Variants in RPL24 observed in about 807,000 individuals in gnomAD.
RPL24 encodes the protein ribosomal protein L24, also known as large ribosomal subunit protein eL24.
A neutral mutation model predicts 26.4 loss-of-function variants in RPL24; 7 were observed. The observed-to-expected ratio is 0.27, with a 90% confidence interval of 0.15 to 0.50. The LOEUF (loss-of-function observed/expected upper bound fraction) is 0.50, where lower values mean the gene tolerates loss of function less well. Ranked by LOEUF, RPL24 falls within the 20% of genes least tolerant of loss-of-function variation. RPL24 has a pLI of 0.98. For missense variants in RPL24, 109 were observed against 194.9 expected (o/e 0.56, Z 2.62); for synonymous variants, 67 against 65.2 (o/e 1.03, Z -0.13).
rs767763371 is a variant in RPL24, at chr3:101,685,800, A to G, written c.192+18T>C. ...AACTTAAGAGATAGCCCCCAACATC[A>G]AGGCGTATTCCACTTACCGACTGTC... On this transcript the variant is annotated intron_variant, in intron 3 of 5. Coordinates refer to ENST00000394077, the MANE Select transcript of RPL24 (RefSeq NM_000986.4). 5.7e-6 allele frequency: 8 copies of G among 1,406,840 alleles called. No homozygotes were observed. The highest frequency in any genetic ancestry group is 8.0e-6 in the Non-Finnish European group (8 of 998,462). 87.1% of individuals were successfully genotyped at this position (1,406,840 alleles called of 1,614,324 possible).
chr3:101,685,705 T>G, intron 3 of RPL24, 113 bp downstream of exon 3: 1 of 582,220 alleles, frequency 1.7e-6, no homozygotes, highest in Non-Finnish European at 3.1e-6. Flanking sequence ...CTTTACAGTT[T>G]AAGAGCTCTT....
At chr3:101,685,981 G>A (rs749763635) in intron 2 of RPL24, 53 bp from the exon 3 acceptor site, 7 of 1,161,684 alleles carry the variant, frequency 6.0e-6, no homozygotes, top group Non-Finnish European at 9.1e-6. Context: ...AGTACAAGAG[G>A]CTGAGTAAGC....
intron 5 of RPL24, 27 bp downstream of exon 5, chr3:101,682,402 A>C (rs745518518): frequency 2.5e-6 from 4 of 1,586,272 alleles, no homozygotes; most frequent in African/African-American, 1.3e-5. Flanking sequence ...TGTATTGTTC[A>C]AGAAAGTAAA....
At chr3:101,682,344 C>G in intron 5 of RPL24, 85 bp downstream of exon 5, 1 of 1,087,276 alleles carries the variant, frequency 9.2e-7, no homozygotes, top group Non-Finnish European at 1.4e-6. Context: ...GCACCCCATC[C>G]TGGGCAACAG....
chr3:101,683,560 T>C (rs1013991601), intron 3 of RPL24, among the ~76,000 whole-genome samples: 1 of 152,242 alleles, frequency 6.6e-6, no homozygotes. Flanking sequence ...TGCAATCTTA[T>C]TGTTTCTACA....
intron 4 of RPL24, 73 bp downstream of exon 4, chr3:101,682,698 C>CT: frequency 6.9e-7 from 1 of 1,450,856 alleles, no homozygotes; most frequent in Non-Finnish European, 9.5e-7. Context: ...TATATGGTAA[C>CT]TTTAATTACT....
rs1375294751 is a variant in RPL24, at chr3:101,681,225, G to C, written c.394-10C>G. ...CTGCCTTTGTAGGTGCCTGTAAAAA[G>C]ATAACACAATATTACTCCACAAAAC... On this transcript the variant is annotated splice_polypyrimidine_tract_variant and intron_variant, in intron 5 of 5. Transcript: ENST00000394077. 6.2e-7 allele frequency: 1 copy of C among 1,604,208 alleles called. No homozygotes were observed. Among genetic ancestry groups the C allele is most frequent in the African/African-American group, 1.3e-5 (1 of 74,706 alleles).
In RPL24 at chr3:101,686,706, G is replaced by A. The variant is rs370803793; in HGVS notation, c.-30C>T. 186 of 1,613,970 alleles carry A rather than the reference G, an allele frequency of 1.2e-4. No individual in the cohort carries two copies. Among genetic ancestry groups the A allele is most frequent in the Non-Finnish European group, 1.4e-4 (170 of 1,179,996 alleles). The stretch of plus-strand genomic sequence containing the variant: ...ACAGCTCCACGGAAAGACAAAAGAT[G>A]GCGAAAAGAAAGAGAGAATCATGGG... On this transcript the variant is annotated 5_prime_UTR_variant, in exon 1 of 6. Transcript: ENST00000394077.
chr3:101,686,458 G>C, intron 2 of RPL24, 24 bp downstream of exon 2: 1 of 1,608,254 alleles, frequency 6.2e-7, no homozygotes, highest in Non-Finnish European at 8.5e-7. Context: ...CAAGAAGGTA[G>C]GTGAAGCCGA....
At chr3:101,683,861 G>A (rs1215157579) in intron 3 of RPL24, among the ~76,000 whole-genome samples, 4 of 151,804 alleles carry the variant, frequency 2.6e-5, no homozygotes, top group East Asian at 3.9e-4. Flanking sequence ...ACAAGTAACC[G>A]CCACCACGCC....
At chr3:101,684,632 A>C (rs1312565493) in intron 3 of RPL24, among the ~76,000 whole-genome samples, 1 of 151,962 alleles carries the variant, frequency 6.6e-6, no homozygotes. Flanking sequence ...TATATTTAAA[A>C]AATAGCTGGG....
chr3:101,684,788 A>C (rs1461135363), intron 3 of RPL24, among the ~76,000 whole-genome samples: 19,945 of 79,602 alleles, frequency 0.25, 3,998 homozygotes, highest in Non-Finnish European at 0.35. Flanking sequence ...AAAAAAAAAA[A>C]AAAAAAAAAA....
chr3:101,682,965 G>A, intron 3 of RPL24, 58 bp from the exon 4 acceptor site: 3 of 1,518,982 alleles, frequency 2.0e-6, no homozygotes, highest in Non-Finnish European at 8.9e-7. Context: ...TTTAGAGGGA[G>A]GAAAAATTAA....
At chr3:101,686,450 A>G in intron 2 of RPL24, 32 bp downstream of exon 2, 2 of 1,600,206 alleles carry the variant, frequency 1.2e-6, no homozygotes, top group Non-Finnish European at 1.7e-6. Flanking sequence ...TCGGAGTACA[A>G]GAAGGTAGGT....
At position 101,684,776 on chromosome 3, in the gene RPL24, CAAAAAAAAAAAAAAAAAA is replaced by C. The variant is rs57278210; in HGVS notation, c.192+1024_192+1041del. ...CTGAGCAACAGAGGACCTGTCTCCC[CAAAAAAAAAAAAAAAAAA>C]AAAAAAAAAAAAAAAAAAAGGTATA... On this transcript the variant is annotated intron_variant, in intron 3 of 5. Transcript: ENST00000394077. Among the ~76,000 whole-genome samples, 226 of 53,216 alleles carry C rather than the reference CAAAAAAAAAAAAAAAAAA, an allele frequency of 4.2e-3. 1 individual carries two copies. Among genetic ancestry groups the C allele is most frequent in the African/African-American group, 0.016 (192 of 12,342 alleles). 34.9% of individuals were successfully genotyped at this position (53,216 alleles called of 152,430 possible). A position where few individuals can be genotyped will look rare whatever the true frequency, so the allele number is the denominator to read the frequency against.
At chr3:101,686,456 T>A in intron 2 of RPL24, 26 bp downstream of exon 2, 1 of 1,606,172 alleles carries the variant, frequency 6.2e-7, no homozygotes, top group Non-Finnish European at 8.5e-7. Flanking sequence ...TACAAGAAGG[T>A]AGGTGAAGCC....
chr3:101,684,549 C>T (rs1313580348), intron 3 of RPL24, among the ~76,000 whole-genome samples: 6 of 152,032 alleles, frequency 3.9e-5, no homozygotes, highest in Admixed American at 1.3e-4. Flanking sequence ...GTGGCCAAGG[C>T]AGGAGGATTA....
chr3:101,682,971 A>AT, intron 3 of RPL24, 64 bp from the exon 4 acceptor site: 1 of 1,500,610 alleles, frequency 6.7e-7, no homozygotes, highest in South Asian at 1.2e-5. Context: ...GGGAGGAAAA[A>AT]TTAAGTCTTT....
Position 101,682,836 on chromosome 3 carries a change from A to C in RPL24, c.264T>G (p.Ala88=). 6.2e-7 allele frequency: 1 copy of C among 1,613,724 alleles called. No homozygotes were observed. Reference sequence around the variant, plus strand: ...TCTGATTCCTCTTGGCCATTATATCAGCAAGAGATGCACCAGTAATGGCCC... The same window carrying C: ...TCTGATTCCTCTTGGCCATTATATCCGCAAGAGATGCACCAGTAATGGCCC... ...FQRAITGASL[A]DIMAKRNQKP... Residue 88 remains alanine (A), a synonymous_variant, in exon 4 of 6, where the codon GCT becomes GCG. Coordinates refer to ENST00000394077, the MANE Select transcript of RPL24 (RefSeq NM_000986.4).
Sources: gnomAD v4.1 joint callset for allele counts (sites outside exome capture counted in the v4.1 genomes callset) on GRCh38, gnomAD v4.1.1 for gene constraint, MANE v1.5 for transcripts, NCBI Gene and HGNC (gene_info 2026-07-23, HGNC 2026-07-21) for gene names.